DLGAP3: variants seen among roughly 807,000 people sequenced by gnomAD.
DLGAP3 encodes disks large-associated protein 3.
Under a neutral mutation model 81.2 loss-of-function variants are expected in DLGAP3, and 17 were observed. That is an observed-to-expected ratio of 0.21 (90% CI 0.14 to 0.31). The LOEUF (loss-of-function observed/expected upper bound fraction) is 0.31. DLGAP3 is among the 10% of genes least tolerant of loss of function. The pLI is 1.00. For missense variants in DLGAP3, 1,124 were observed against 1,388.0 expected (o/e 0.81, Z 3.02); for synonymous variants, 577 against 587.4 (o/e 0.98, Z 0.26).
intron 11 of DLGAP3, among the ~76,000 whole-genome samples, chr1:34,866,597 G>T (rs953101087): frequency 6.6e-6 from 1 of 152,220 alleles, no homozygotes; most frequent in Non-Finnish European, 1.5e-5. Flanking sequence ...GAAGGAGGGA[G>T]TTCCCGACCC....
intron 8 of DLGAP3, among the ~76,000 whole-genome samples, chr1:34,884,675 G>T (rs943777500): frequency 6.6e-6 from 1 of 152,154 alleles, no homozygotes; most frequent in Non-Finnish European, 1.5e-5. Flanking sequence ...ATTGCTGGAG[G>T]CCTGCTCGGC....
intron 5 of DLGAP3, among the ~76,000 whole-genome samples, chr1:34,892,767 A>G (rs1569627719): frequency 2.0e-5 from 3 of 152,260 alleles, no homozygotes; most frequent in Admixed American, 2.0e-4. Flanking sequence ...AGAGATCTAT[A>G]TTCACACAAA....
intron 5 of DLGAP3, among the ~76,000 whole-genome samples, chr1:34,898,856 T>G (rs4259608): frequency 0.25 from 38,772 of 152,092 alleles, 6,837 homozygotes; most frequent in East Asian, 0.92. Context: ...ATGCCATTTT[T>G]GGGCCAAGTA....
At position 34,865,725 on chromosome 1, in the gene DLGAP3, G is replaced by A. The variant is rs3209018; in HGVS notation, c.*358C>T. On this transcript the variant is annotated 3_prime_UTR_variant, in exon 12 of 12. Coordinates refer to ENST00000373347, the MANE Select transcript of DLGAP3 (RefSeq NM_001080418.3). Reference sequence around the variant, plus strand: ...CGAAGCCCAGCCCCGCGGGGTGGGGGAGGGGGGGACGCAGAGCCCAGATGA... The same window carrying A: ...CGAAGCCCAGCCCCGCGGGGTGGGGAAGGGGGGGACGCAGAGCCCAGATGA... The A allele has an allele frequency of 8.9e-6, 3 of 337,700 alleles. No homozygotes were observed. The highest frequency in any genetic ancestry group is 1.7e-5 in the Non-Finnish European group (3 of 180,100). 20.9% of individuals were successfully genotyped at this position (337,700 alleles called of 1,614,324 possible).
intron 1 of DLGAP3, among the ~76,000 whole-genome samples, chr1:34,924,694 C>G (rs1037373780): frequency 1.3e-5 from 2 of 152,168 alleles, no homozygotes; most frequent in Non-Finnish European, 2.9e-5. Context: ...GATGAGATCT[C>G]ACAGGCACAA....
At chr1:34,899,981 T>G in intron 4 of DLGAP3, 87 bp downstream of exon 4, 3 of 1,223,286 alleles carry the variant, frequency 2.5e-6, no homozygotes, top group Non-Finnish European at 2.3e-6. Flanking sequence ...CAGGACTACC[T>G]GACTGGCACC....
intron 5 of DLGAP3, among the ~76,000 whole-genome samples, chr1:34,891,893 A>T (rs1462466257): frequency 3.9e-5 from 6 of 152,250 alleles, no homozygotes. Flanking sequence ...TCATTCAGGG[A>T]TTAACAAACA....
At chr1:34,912,491 A>G (rs1639653993) in intron 1 of DLGAP3, among the ~76,000 whole-genome samples, 1 of 152,240 alleles carries the variant, frequency 6.6e-6, no homozygotes. Context: ...CAAGCTGGAC[A>G]TGACGATCCA....
chr1:34,880,686 C>CA (rs567644830), intron 8 of DLGAP3, among the ~76,000 whole-genome samples: 277 of 128,456 alleles, frequency 2.2e-3, no homozygotes, highest in Non-Finnish European at 3.0e-3. Context: ...GACTCTGTCT[C>CA]AAAAAAAAAA....
At chr1:34,872,193 A>T (rs1179125505) in intron 8 of DLGAP3, among the ~76,000 whole-genome samples, 1 of 152,168 alleles carries the variant, frequency 6.6e-6, no homozygotes, top group Non-Finnish European at 1.5e-5. Flanking sequence ...AAAAGCAGAG[A>T]GGGGACAGAA....
In DLGAP3 at chr1:34,867,969, C is replaced by T. The variant is rs899607736; in HGVS notation, c.2486-342G>A. 2.0e-5 allele frequency among the ~76,000 whole-genome samples: 3 copies of T among 152,226 alleles called. No homozygotes were observed. Among genetic ancestry groups the T allele is most frequent in the African/African-American group, 7.2e-5 (3 of 41,446 alleles). On this transcript the variant is annotated intron_variant, in intron 9 of 11. Transcript: ENST00000373347. This position sits in a 1 kb window ranked among gnomAD's most constrained non-coding sequence, Gnocchi z 4.3. ...GCCAGGGCATTAGCTCAATGACCACCCACTGGCTAAGCTTTGTTCATCACT... is the reference window on the plus strand; with the variant it reads ...GCCAGGGCATTAGCTCAATGACCACTCACTGGCTAAGCTTTGTTCATCACT...
Position 34,904,550 on chromosome 1 carries a change from C to T in DLGAP3, c.834G>A (p.Arg278=), listed in dbSNP as rs1418822349. 2.5e-6 allele frequency: 4 copies of T among 1,613,992 alleles called. No individual in the cohort carries two copies. The African/African-American group carries it at 5.3e-5, about 22-fold the overall frequency. ...AGGGACCACCAGGCTCCCCAGGGGGCCTCCCACCCGCCAGGAAGCCGCTAT... is the reference window on the plus strand; with the variant it reads ...AGGGACCACCAGGCTCCCCAGGGGGTCTCCCACCCGCCAGGAAGCCGCTAT... ...DSDSGFLAGG[R]PPGEPGGPFC... The change falls in exon 3 of 12, where the codon AGG becomes AGA. Residue 278 remains arginine (R), a synonymous_variant. Transcript: ENST00000373347. This position sits in a 1 kb window ranked among gnomAD's most constrained non-coding sequence, Gnocchi z 8.1.
At chr1:34,866,784 A>AC (rs112932264) in intron 11 of DLGAP3, among the ~76,000 whole-genome samples, 55,141 of 151,278 alleles carry the variant, frequency 0.36, 11,737 homozygotes, top group East Asian at 0.95. Flanking sequence ...AGCCGCCGCC[A>AC]CCCCCCCAAC....
rs748264278 is a variant in DLGAP3, at chr1:34,895,169, G to A, written c.1386+4500C>T. Among the ~76,000 whole-genome samples the A allele has an allele frequency of 2.6e-5, 4 of 151,986 alleles. No homozygotes were observed. Among genetic ancestry groups the A allele is most frequent in the Non-Finnish European group, 5.9e-5 (4 of 67,984 alleles). ...GATGACGAGGTCAGGAGATCGAGAC[G>A]ATCCTGGCTAACACGGTGAAACCCC... On this transcript the variant is annotated intron_variant, in intron 5 of 11. Coordinates refer to ENST00000373347, the MANE Select transcript of DLGAP3 (RefSeq NM_001080418.3). This position sits in a 1 kb window ranked among gnomAD's most constrained non-coding sequence, Gnocchi z 4.5.
At chr1:34,914,506 TG>T (rs1639688071) in intron 1 of DLGAP3, among the ~76,000 whole-genome samples, 1 of 152,220 alleles carries the variant, frequency 6.6e-6, no homozygotes, top group Non-Finnish European at 1.5e-5. Context: ...GGTGAGCAAC[TG>T]TGGCTTCTGG....
At chr1:34,894,353 A>C (rs1283598830) in intron 5 of DLGAP3, among the ~76,000 whole-genome samples, 1 of 152,100 alleles carries the variant, frequency 6.6e-6, no homozygotes, top group Non-Finnish European at 1.5e-5. Context: ...AGAATGGGGA[A>C]AAGATATACT....
chr1:34,915,007 C>G (rs1639694841), intron 1 of DLGAP3, among the ~76,000 whole-genome samples: 2 of 152,196 alleles, frequency 1.3e-5, no homozygotes, highest in Non-Finnish European at 2.9e-5. Context: ...CAGACTCCCA[C>G]AAACCCCTGT....
rs181916701 is a variant in DLGAP3, at chr1:34,895,193, C to T, written c.1386+4476G>A. 1.7e-3 allele frequency among the ~76,000 whole-genome samples: 263 copies of T among 152,004 alleles called. 1 individual carries two copies. Among genetic ancestry groups the T allele is most frequent in the African/African-American group, 6.1e-3 (255 of 41,482 alleles). ...CGATCCTGGCTAACACGGTGAAACC[C>T]CGTCTGTACTAAAAATACAAAAAAA... On this transcript the variant is annotated intron_variant, in intron 5 of 11. Transcript: ENST00000373347. This position sits in a 1 kb window ranked among gnomAD's most constrained non-coding sequence, Gnocchi z 4.5.
At chr1:34,921,480 T>C (rs561133686) in intron 1 of DLGAP3, among the ~76,000 whole-genome samples, 1 of 152,290 alleles carries the variant, frequency 6.6e-6, no homozygotes, top group South Asian at 2.1e-4. Flanking sequence ...CTACCTCTCT[T>C]TAGGTCCCCA....
Sources: gnomAD v4.1 joint callset for allele counts (sites outside exome capture counted in the v4.1 genomes callset) on GRCh38, gnomAD v4.1.1 for gene constraint, Gnocchi (gnomAD v3.1) non-coding constraint, MANE v1.5 for transcripts, NCBI Gene and HGNC (gene_info 2026-07-23, HGNC 2026-07-21) for gene names.